The following HPCAL1 variants were observed in gnomAD, a reference collection of about 807,000 sequenced individuals.
HPCAL1 encodes hippocalcin like 1.
A neutral mutation model predicts 17.1 loss-of-function variants in HPCAL1; 8 were observed. The ratio of observed to expected loss-of-function variants is 0.47; its 90% CI spans 0.27 to 0.84. The LOEUF is 0.84. Among genes scored for constraint, HPCAL1 ranks in the 40% least tolerant of loss-of-function variants. HPCAL1 has a pLI of 0.13. For missense variants in HPCAL1, 165 were observed against 271.1 expected, an observed-to-expected ratio of 0.61 and a Z score of 2.75; for synonymous variants, 112 against 111.4, an observed-to-expected ratio of 1.01 and a Z score of -0.03.
Position 10,395,617 on chromosome 2 carries a change from C to T in HPCAL1, c.-110-1218C>T, listed in dbSNP as rs879473630. ...CTAGTGGGTGCTTGTAAAGCGGGATCGTTGCTATGAGAGAGAGAACCTTGC... is the reference window on the plus strand; with the variant it reads ...CTAGTGGGTGCTTGTAAAGCGGGATTGTTGCTATGAGAGAGAGAACCTTGC... On this transcript the variant is annotated intron_variant, in intron 1 of 4. Transcript: ENST00000307845. The surrounding 1 kb of genome is among the most constrained non-coding windows in gnomAD (Gnocchi z 4.4). 5.3e-5 allele frequency among the ~76,000 whole-genome samples: 8 copies of T among 151,994 alleles called. No individual in the cohort carries two copies. The highest frequency in any genetic ancestry group is 1.2e-4 in the African/African-American group (5 of 41,354).
intron 1 of HPCAL1, among the ~76,000 whole-genome samples, chr2:10,386,200 A>G (rs927272501): frequency 1.3e-5 from 2 of 151,990 alleles, no homozygotes; most frequent in Non-Finnish European, 2.9e-5. Flanking sequence ...TGCCTGGGCC[A>G]CCATGTTGAT....
chr2:10,337,914 C>T (rs1211619560), intron 1 of HPCAL1, among the ~76,000 whole-genome samples: 4 of 152,286 alleles, frequency 2.6e-5, no homozygotes, highest in Non-Finnish European at 5.9e-5. Context: ...GCCATGGCTG[C>T]GCCGGCTTAG....
At chr2:10,347,188 C>T (rs956222215) in intron 1 of HPCAL1, among the ~76,000 whole-genome samples, 1 of 152,122 alleles carries the variant, frequency 6.6e-6, no homozygotes, top group Non-Finnish European at 1.5e-5. Context: ...CCCTGGCATC[C>T]GTGACCCATA....
At chr2:10,385,092 C>T (rs1347530225) in intron 1 of HPCAL1, among the ~76,000 whole-genome samples, 7 of 119,578 alleles carry the variant, frequency 5.9e-5, no homozygotes, top group African/African-American at 9.8e-5. Context: ...AGCAAGACTC[C>T]GTCTCAAAAA....
chr2:10,326,279 C>T (rs1664012478), intron 1 of HPCAL1, among the ~76,000 whole-genome samples: 1 of 152,252 alleles, frequency 6.6e-6, no homozygotes, highest in South Asian at 2.1e-4. Context: ...CTCAAGGGGT[C>T]CCTGGCCAAG....
intron 4 of HPCAL1, chr2:10,424,092 C>T: frequency 5.4e-6 from 1 of 185,510 alleles, no homozygotes; most frequent in South Asian, 1.1e-4. Flanking sequence ...GACTCCATCT[C>T]AAAAAAATAA....
At position 10,342,594 on chromosome 2, in the gene HPCAL1, G is replaced by T. The variant is rs762511532; in HGVS notation, c.-111+39417G>T. 1.3e-5 allele frequency among the ~76,000 whole-genome samples: 2 copies of T among 152,246 alleles called. No homozygotes were observed. Among genetic ancestry groups the T allele is most frequent in the African/African-American group, 4.8e-5 (2 of 41,476 alleles). On this transcript the variant is annotated intron_variant, in intron 1 of 4. Transcript: ENST00000307845. The surrounding 1 kb of genome is among the most constrained non-coding windows in gnomAD (Gnocchi z 4.1). ...TTTTGGCAGGGGAGGAAATTGAGGT[G>T]AAAGCATTCCAGGCCTAGGGAACAG...
intron 2 of HPCAL1, among the ~76,000 whole-genome samples, chr2:10,400,858 A>T (rs1486506867): frequency 6.6e-6 from 1 of 152,168 alleles, no homozygotes; most frequent in Non-Finnish European, 1.5e-5. Context: ...GGCTGGGGAC[A>T]TTGTCCTGGC....
intron 1 of HPCAL1, among the ~76,000 whole-genome samples, chr2:10,307,563 C>T (rs1282689642): frequency 6.6e-6 from 1 of 152,208 alleles, no homozygotes; most frequent in Non-Finnish European, 1.5e-5. Flanking sequence ...GACACATCTC[C>T]CTCACTGAAG....
At chr2:10,424,208 C>A (rs958555439) in intron 4 of HPCAL1, 28 of 322,146 alleles carry the variant, frequency 8.7e-5, no homozygotes, top group South Asian at 2.8e-4. Context: ...TTAAGCATGG[C>A]CCCAGCGGGA....
intron 1 of HPCAL1, among the ~76,000 whole-genome samples, chr2:10,391,232 G>T (rs1486301017): frequency 1.3e-5 from 2 of 152,138 alleles, no homozygotes; most frequent in Non-Finnish European, 2.9e-5. Context: ...GCTGCCAGGG[G>T]GGTTTGCAGT....
chr2:10,426,600 C>T, intron 4 of HPCAL1, 124 bp from the exon 5 acceptor site: 1 of 776,092 alleles, frequency 1.3e-6, no homozygotes, highest in Non-Finnish European at 2.3e-6. Flanking sequence ...CACCGTCCAG[C>T]TTCAAGAAGG....
At position 10,349,702 on chromosome 2, in the gene HPCAL1, C is replaced by CAAAAA. The variant is rs55897775; in HGVS notation, c.-111+46558_-111+46562dup. ...TGGGTGACAGAGCAAGACTCTGTCT[C>CAAAAA]AAAAAAAAAAAAAAAAAAAAAAAAA... On this transcript the variant is annotated intron_variant, in intron 1 of 4. Coordinates refer to ENST00000307845, the MANE Select transcript of HPCAL1 (RefSeq NM_002149.4). 2.7e-4 allele frequency among the ~76,000 whole-genome samples: 14 copies of CAAAAA among 52,738 alleles called. 2 individuals carry two copies. The highest frequency in any genetic ancestry group is 7.8e-4 in the African/African-American group (8 of 10,290). The allele number at this position is 52,738 out of a possible 152,430, so 34.6% of individuals were successfully genotyped here.
At chr2:10,393,659 T>C (rs1668838584) in intron 1 of HPCAL1, among the ~76,000 whole-genome samples, 1 of 152,130 alleles carries the variant, frequency 6.6e-6, no homozygotes, top group Non-Finnish European at 1.5e-5. Context: ...CTGGAGACAG[T>C]GGGGCCTTTG....
intron 1 of HPCAL1, among the ~76,000 whole-genome samples, chr2:10,360,963 C>T (rs1666486062): frequency 6.6e-6 from 1 of 150,994 alleles, no homozygotes; most frequent in Non-Finnish European, 1.5e-5. Context: ...AGTATTCTCT[C>T]CACGGTCTCC....
chr2:10,395,161 G>A lies in HPCAL1; in HGVS notation c.-110-1674G>A, dbSNP rs1668941361. Among the ~76,000 whole-genome samples the A allele has an allele frequency of 8.3e-6, 1 of 120,520 alleles. No homozygotes were observed. The highest frequency in any genetic ancestry group is 1.8e-5 in the Non-Finnish European group (1 of 56,010). The allele number at this position is 120,520 out of a possible 152,430, so 79.1% of individuals were successfully genotyped here. A position where few individuals can be genotyped will look rare whatever the true frequency, so the allele number is the denominator to read the frequency against. ...ACACACACACACACACACACACACT[G>A]CTATCTTAAAAGCATAGGGACCTTG... is the stretch of plus-strand genomic sequence containing the variant. On this transcript the variant is annotated intron_variant, in intron 1 of 4. Coordinates refer to ENST00000307845, the MANE Select transcript of HPCAL1 (RefSeq NM_002149.4). The surrounding 1 kb of genome is among the most constrained non-coding windows in gnomAD (Gnocchi z 4.4).
chr2:10,364,644 G>A (rs1018547320), intron 1 of HPCAL1, among the ~76,000 whole-genome samples: 18 of 151,906 alleles, frequency 1.2e-4, no homozygotes, highest in African/African-American at 4.3e-4. Context: ...GAGTGCGGTG[G>A]TGCGATCATG....
intron 1 of HPCAL1, among the ~76,000 whole-genome samples, chr2:10,350,125 A>G (rs1176646813): frequency 6.6e-6 from 1 of 152,168 alleles, no homozygotes; most frequent in East Asian, 1.9e-4. Flanking sequence ...TGGTAATTAC[A>G]TAAGTACTAC....
chr2:10,424,293 A>G (rs954481475), intron 4 of HPCAL1: 11 of 349,920 alleles, frequency 3.1e-5, no homozygotes, highest in Non-Finnish European at 3.4e-5. Flanking sequence ...ACACACACAC[A>G]CAGAAAACAA....
Sources: allele counts gnomAD v4.1 joint callset (sites outside exome capture counted in the v4.1 genomes callset), GRCh38; gene constraint gnomAD v4.1.1; non-coding constraint Gnocchi (gnomAD v3.1); transcripts MANE v1.5; gene names NCBI Gene and HGNC (gene_info 2026-07-23, HGNC 2026-07-21).